Variants in ADGRB3 observed in about 807,000 individuals in gnomAD.
ADGRB3 encodes the protein brain-specific angiogenesis inhibitor 3.
Under a neutral mutation model 193.4 loss-of-function variants are expected in ADGRB3, and 37 were observed. The ratio of observed to expected loss-of-function variants is 0.19; its 90% CI spans 0.15 to 0.25. ADGRB3 has a LOEUF of 0.25. ADGRB3 is among the 10% of genes least tolerant of loss of function. The pLI is 1.00. For missense variants in ADGRB3, 1,637 were observed against 1,852.9 expected, an observed-to-expected ratio of 0.88 and a Z score of 2.14; for synonymous variants, 690 against 644.2, an observed-to-expected ratio of 1.07 and a Z score of -1.08.
chr6:68,839,080 TCACACA>T (rs10591017), intron 3 of ADGRB3, among the ~76,000 whole-genome samples: 130 of 138,188 alleles, frequency 9.4e-4, no homozygotes, highest in African/African-American at 2.0e-3. Flanking sequence ...TGTCTCTCTG[TCACACA>T]CACACACACA....
At chr6:68,710,727 G>A (rs374741366) in intron 3 of ADGRB3, among the ~76,000 whole-genome samples, 1 of 152,054 alleles carries the variant, frequency 6.6e-6, no homozygotes, top group Admixed American at 6.6e-5. Flanking sequence ...AGGTCACCCT[G>A]GCTCCAACCC....
intron 17 of ADGRB3, among the ~76,000 whole-genome samples, chr6:69,190,363 G>A (rs2150354562): frequency 6.6e-6 from 1 of 151,680 alleles, no homozygotes; most frequent in South Asian, 2.1e-4. Context: ...TTTTATCTTA[G>A]TTTTTAACAA....
intron 3 of ADGRB3, among the ~76,000 whole-genome samples, chr6:68,920,484 T>G (rs993065342): frequency 6.7e-5 from 8 of 118,954 alleles, no homozygotes; most frequent in African/African-American, 2.7e-4. Context: ...GCCATTGCAC[T>G]CCAGCCTCGG....
At chr6:68,798,901 C>T (rs763560821) in intron 3 of ADGRB3, among the ~76,000 whole-genome samples, 2 of 152,116 alleles carry the variant, frequency 1.3e-5, no homozygotes, top group Non-Finnish European at 2.9e-5. Context: ...ATTATAGAAG[C>T]TTCACGAGTG....
intron 10 of ADGRB3, among the ~76,000 whole-genome samples, chr6:68,989,977 G>T (rs1158378671): frequency 6.6e-6 from 1 of 151,894 alleles, no homozygotes; most frequent in Non-Finnish European, 1.5e-5. Context: ...ATTGAAGAAG[G>T]GATTGGATGG....
intron 20 of ADGRB3, among the ~76,000 whole-genome samples, chr6:69,256,301 C>A (rs923918218): frequency 2.6e-5 from 4 of 152,064 alleles, no homozygotes; most frequent in Non-Finnish European, 5.9e-5. Context: ...GGCCGTATGG[C>A]CATTTTCATG....
chr6:68,775,142 T>C (rs557726818), intron 3 of ADGRB3, among the ~76,000 whole-genome samples: 69 of 14,022 alleles, frequency 4.9e-3, no homozygotes, highest in African/African-American at 0.035. Context: ...ACAAGCTGCT[T>C]GTTAAAAAAA....
At chr6:69,232,364 T>C (rs1008160189) in intron 17 of ADGRB3, 6 of 1,382,968 alleles carry the variant, frequency 4.3e-6, no homozygotes, top group East Asian at 2.6e-5. Flanking sequence ...AAGACGTAGG[T>C]TGATACCATT....
At chr6:69,351,491 G>A (rs928932924) in intron 26 of ADGRB3, among the ~76,000 whole-genome samples, 6 of 152,122 alleles carry the variant, frequency 3.9e-5, no homozygotes, top group Admixed American at 2.6e-4. Flanking sequence ...GGTATCAGAG[G>A]CACTAAAAGT....
At chr6:69,198,948 G>T (rs1428354950) in intron 17 of ADGRB3, among the ~76,000 whole-genome samples, 3 of 152,078 alleles carry the variant, frequency 2.0e-5, no homozygotes, top group Non-Finnish European at 2.9e-5. Flanking sequence ...AAGCTCAAGT[G>T]CCAGGCTCGT....
chr6:68,847,871 TG>T (rs1429742872), intron 3 of ADGRB3, among the ~76,000 whole-genome samples: 2 of 151,820 alleles, frequency 1.3e-5, no homozygotes, highest in Admixed American at 1.3e-4. Flanking sequence ...AGTAGAAGAT[TG>T]TTTTTTGAAA....
chr6:68,842,833 G>A (rs1485264502), intron 3 of ADGRB3, among the ~76,000 whole-genome samples: 1 of 151,894 alleles, frequency 6.6e-6, no homozygotes, highest in African/African-American at 2.4e-5. Flanking sequence ...ATCACCAAGT[G>A]GGATTTATCT....
intron 20 of ADGRB3, among the ~76,000 whole-genome samples, chr6:69,243,111 T>C (rs1482993801): frequency 1.3e-5 from 2 of 151,906 alleles, no homozygotes; most frequent in African/African-American, 4.8e-5. Context: ...AGAAGACAAA[T>C]CTGGCAAAAC....
intron 3 of ADGRB3, among the ~76,000 whole-genome samples, chr6:68,854,873 C>T (rs111706709): frequency 0.049 from 7,492 of 152,212 alleles, 260 homozygotes; most frequent in Middle Eastern, 0.13. Context: ...CCCAGCATTG[C>T]CTTTATCTCT....
chr6:68,803,755 G>A (rs937477833), intron 3 of ADGRB3, among the ~76,000 whole-genome samples: 3 of 152,098 alleles, frequency 2.0e-5, no homozygotes, highest in Non-Finnish European at 4.4e-5. Flanking sequence ...CTGTGGGTTC[G>A]TCAGTTGATG....
intron 17 of ADGRB3, among the ~76,000 whole-genome samples, chr6:69,215,587 C>T (rs547967248): frequency 8.6e-5 from 13 of 152,000 alleles, no homozygotes; most frequent in African/African-American, 3.1e-4. Flanking sequence ...TAACTAAACT[C>T]AACCTTTTTT....
At chr6:68,997,223 C>G (rs1769409833) in intron 11 of ADGRB3, among the ~76,000 whole-genome samples, 1 of 151,978 alleles carries the variant, frequency 6.6e-6, no homozygotes, top group Non-Finnish European at 1.5e-5. Flanking sequence ...GGAATGTACT[C>G]CAATAAACAT....
At chr6:69,369,135 C>T (rs1445163581) in intron 29 of ADGRB3, among the ~76,000 whole-genome samples, 1 of 152,042 alleles carries the variant, frequency 6.6e-6, no homozygotes, top group African/African-American at 2.4e-5. Flanking sequence ...ATTGTTATGG[C>T]TTGACCACTT....
At chr6:69,244,525 C>A (rs189488068) in intron 20 of ADGRB3, among the ~76,000 whole-genome samples, 1 of 152,008 alleles carries the variant, frequency 6.6e-6, no homozygotes, top group East Asian at 1.9e-4. Flanking sequence ...TATGTGTTTT[C>A]GACTTCTGAG....
Sources: gnomAD v4.1 joint callset for allele counts (sites outside exome capture counted in the v4.1 genomes callset) on GRCh38, gnomAD v4.1.1 for gene constraint, MANE v1.5 for transcripts, NCBI Gene and HGNC (gene_info 2026-07-23, HGNC 2026-07-21) for gene names.